The following ALPK1 variants were observed in gnomAD, a reference collection of about 807,000 sequenced individuals.
ALPK1 encodes alpha kinase 1.
In ALPK1, 110 loss-of-function variants were observed where a neutral mutation model predicts 120.6. The observed-to-expected ratio is 0.91, with a 90% CI of 0.78 to 1.07. ALPK1 has a LOEUF of 1.07. Ranked by LOEUF, ALPK1 falls within the 50% of genes least tolerant of loss-of-function variation. ALPK1 has a pLI of 0.00. For missense variants in ALPK1, 1,498 were observed against 1,483.9 expected (o/e 1.01, Z -0.16); for synonymous variants, 582 against 560.3 (o/e 1.04, Z -0.55).
chr4:112,427,781 C>A, intron 9 of ALPK1, 116 bp downstream of exon 9: 1 of 717,918 alleles, frequency 1.4e-6, no homozygotes. Flanking sequence ...AGTGCTGCGC[C>A]TCCTAGACAA....
intron 4 of ALPK1, chr4:112,383,418 G>A (rs1032668110): frequency 7.2e-5 from 11 of 151,784 alleles, no homozygotes; most frequent in African/African-American, 2.2e-4. Context: ...TAAATATATA[G>A]ACATTGTCTT....
chr4:112,432,360 C>T lies in ALPK1; in HGVS notation c.2813C>T (p.Ser938Phe). 5.6e-6 allele frequency: 9 copies of T among 1,614,064 alleles called. No homozygotes were observed. The highest frequency in any genetic ancestry group is 7.6e-6 in the Non-Finnish European group (9 of 1,180,018). ...SVWWLKSPAF[S>F]SGSSEGDSPW... The stretch of plus-strand genomic sequence containing the variant: ...TGGTGGCTGAAATCACCTGCATTTT[C>T]CAGTGGTTCTTCTGAGGGGGACAGC... The change falls in exon 11 of 16, where the codon TCC (serine) becomes TTC (phenylalanine). Residue 938 changes from serine (S) to phenylalanine (F), a missense_variant. Transcript: ENST00000650871.
At chr4:112,357,850 T>C in intron 2 of ALPK1, 1 of 1,138,556 alleles carries the variant, frequency 8.8e-7, no homozygotes. Flanking sequence ...GGCCCACTAC[T>C]TGGCTAGGAA....
At chr4:112,360,892 A>G (rs572336685) in intron 2 of ALPK1, among the ~76,000 whole-genome samples, 1 of 152,136 alleles carries the variant, frequency 6.6e-6, no homozygotes, top group African/African-American at 2.4e-5. Flanking sequence ...AAGATCTTCT[A>G]TGTCTTTGGT....
Position 112,430,878 on chromosome 4 carries a change from T to C in ALPK1, c.1331T>C (p.Leu444Pro), listed in dbSNP as rs749587164. ...AGTTTCGAGTGCAGGTTGGATAAACTTATCTTGCATGGGCAAGGGGATTTC... is the reference window on the plus strand; with the variant it reads ...AGTTTCGAGTGCAGGTTGGATAAACCTATCTTGCATGGGCAAGGGGATTTC... ...PESFECRLDK[L>P]ILHGQGDFQK... The change falls in exon 11 of 16, where the codon CTT (leucine) becomes CCT (proline). Residue 444 changes from leucine to proline, a missense_variant. By Grantham distance (98) the Leu-to-Pro change is moderately conservative (BLOSUM62 -3). Coordinates refer to ENST00000650871, the MANE Select transcript of ALPK1 (RefSeq NM_025144.4). 3.1e-6 allele frequency: 5 copies of C among 1,614,166 alleles called. No individual in the cohort carries two copies. In the South Asian group the frequency reaches 5.5e-5, roughly 18 times the overall value.
chr4:112,332,784 G>C (rs1729443208), intron 2 of ALPK1, among the ~76,000 whole-genome samples: 1 of 152,154 alleles, frequency 6.6e-6, no homozygotes, highest in Admixed American at 6.5e-5. Flanking sequence ...TCTTCTGATT[G>C]TTGGACTGTA....
chr4:112,348,295 G>A (rs1560647225), intron 2 of ALPK1, among the ~76,000 whole-genome samples: 1 of 152,244 alleles, frequency 6.6e-6, no homozygotes, highest in African/African-American at 2.4e-5. Flanking sequence ...GTTATAGAGT[G>A]AATAGAAGAA....
chr4:112,357,072 T>C, intron 2 of ALPK1: 1 of 976,148 alleles, frequency 1.0e-6, no homozygotes. Context: ...CTGGAAGACA[T>C]TGCAAAGCTG....
chr4:112,331,261 C>T (rs753869704), intron 2 of ALPK1, among the ~76,000 whole-genome samples: 1 of 152,064 alleles, frequency 6.6e-6, no homozygotes, highest in Non-Finnish European at 1.5e-5. Context: ...GTCTTTTGCC[C>T]GCTGATTATT....
chr4:112,390,455 T>C (rs1351447798), intron 4 of ALPK1, among the ~76,000 whole-genome samples: 1 of 152,120 alleles, frequency 6.6e-6, no homozygotes, highest in Non-Finnish European at 1.5e-5. Flanking sequence ...TCTTTTACAT[T>C]TGTTTACATT....
At chr4:112,381,681 C>T (rs1731912553) in intron 3 of ALPK1, among the ~76,000 whole-genome samples, 1 of 152,180 alleles carries the variant, frequency 6.6e-6, no homozygotes, top group African/African-American at 2.4e-5. Context: ...GAGTCCTTAA[C>T]CAGGACTATA....
chr4:112,373,552 G>A (rs959172483), intron 2 of ALPK1, among the ~76,000 whole-genome samples: 2 of 152,096 alleles, frequency 1.3e-5, no homozygotes, highest in African/African-American at 4.8e-5. Flanking sequence ...AAGATATTGT[G>A]GATTCAGTTC....
At chr4:112,349,089 T>G (rs1730218078) in intron 2 of ALPK1, among the ~76,000 whole-genome samples, 1 of 152,166 alleles carries the variant, frequency 6.6e-6, no homozygotes, top group Admixed American at 6.5e-5. Context: ...CAAATGAAAT[T>G]CACATCTTTT....
chr4:112,407,661 T>C (rs1420333393), intron 4 of ALPK1, among the ~76,000 whole-genome samples: 1 of 152,220 alleles, frequency 6.6e-6, no homozygotes, highest in Non-Finnish European at 1.5e-5. Context: ...TGTGTGAACA[T>C]TTTTTATAGA....
chr4:112,300,691 G>A (rs755138162), intron 1 of ALPK1, among the ~76,000 whole-genome samples: 1 of 150,444 alleles, frequency 6.6e-6, no homozygotes, highest in Non-Finnish European at 1.5e-5. Flanking sequence ...TAATTCTTTT[G>A]GCTTAAAGAT....
intron 4 of ALPK1, among the ~76,000 whole-genome samples, chr4:112,409,613 T>C (rs939302376): frequency 6.6e-6 from 1 of 151,984 alleles, no homozygotes; most frequent in Admixed American, 6.6e-5. Flanking sequence ...ACAAGACTTA[T>C]GATATAGAGA....
chr4:112,439,872 G>A lies in ALPK1; in HGVS notation c.3538G>A (p.Gly1180Ser). The change falls in exon 14 of 16, where the codon GGT (glycine) becomes AGT (serine). Residue 1180 changes from glycine (G) to serine (S), a missense_variant and splice_region_variant. Physicochemically the swap from Gly to Ser is moderately conservative, Grantham distance 56. Transcript: ENST00000650871. Reference protein sequence around the residue: ...NHRDVVVDLQGWVTGNGKGLI... With the variant: ...NHRDVVVDLQSWVTGNGKGLI... ...TAGAGATGTTGTGGTCGATTTACAA[G>A]GTATGTGAAACTGGGAATTATTTTT... The A allele has an allele frequency of 6.3e-7, 1 of 1,577,924 alleles. No individual in the cohort carries two copies.
At chr4:112,345,972 T>TA (rs1730084691) in intron 2 of ALPK1, among the ~76,000 whole-genome samples, 2 of 152,208 alleles carry the variant, frequency 1.3e-5, no homozygotes, top group Non-Finnish European at 2.9e-5. Context: ...CAAGCAATTC[T>TA]CCTGTCTCAG....
chr4:112,317,781 G>C (rs752901150), intron 2 of ALPK1, among the ~76,000 whole-genome samples: 3 of 152,148 alleles, frequency 2.0e-5, no homozygotes, highest in Non-Finnish European at 2.9e-5. Context: ...ATTTTTTGCA[G>C]AGTTGCTATT....
Sources: gnomAD v4.1 joint callset for allele counts (sites outside exome capture counted in the v4.1 genomes callset) on GRCh38, gnomAD v4.1.1 for gene constraint, MANE v1.5 for transcripts, NCBI Gene and HGNC (gene_info 2026-07-23, HGNC 2026-07-21) for gene names.